CACNA2D4: variants seen among roughly 807,000 people sequenced by gnomAD.
CACNA2D4 encodes the protein calcium voltage-gated channel auxiliary subunit alpha2delta 4.
CACNA2D4 carries 157 observed loss-of-function variants against 163.8 expected under a neutral mutation model. The ratio of observed to expected loss-of-function variants is 0.96; its 90% CI spans 0.84 to 1.09. The LOEUF (loss-of-function observed/expected upper bound fraction) is 1.09, where lower values mean the gene tolerates loss of function less well. Ranked by LOEUF, CACNA2D4 falls within the 50% of genes least tolerant of loss-of-function variation. The pLI is 0.00. For missense variants in CACNA2D4, 1,410 were observed against 1,479.9 expected (o/e 0.95, Z 0.78); for synonymous variants, 598 against 586.9 (o/e 1.02, Z -0.27).
intron 6 of CACNA2D4, among the ~76,000 whole-genome samples, chr12:1,906,431 T>A (rs957975644): frequency 6.6e-6 from 1 of 152,168 alleles, no homozygotes; most frequent in Non-Finnish European, 1.5e-5. Context: ...TGATAAGGGA[T>A]CAATATTCAG....
chr12:1,819,278 G>A (rs989045982), intron 26 of CACNA2D4, among the ~76,000 whole-genome samples: 4 of 152,174 alleles, frequency 2.6e-5, no homozygotes, highest in African/African-American at 9.7e-5. Flanking sequence ...GCTTGACAGT[G>A]GGATGTGTGG....
intron 18 of CACNA2D4, among the ~76,000 whole-genome samples, chr12:1,870,449 G>A (rs1393569337): frequency 1.3e-5 from 2 of 151,588 alleles, no homozygotes; most frequent in Non-Finnish European, 2.9e-5. Flanking sequence ...GACACTTCAC[G>A]GTGACAACCT....
chr12:1,907,157 C>T (rs1339248926), intron 6 of CACNA2D4, among the ~76,000 whole-genome samples: 1 of 152,220 alleles, frequency 6.6e-6, no homozygotes, highest in African/African-American at 2.4e-5. Flanking sequence ...TTTGTATCTT[C>T]CAAAGTACTT....
At chr12:1,850,818 G>A (rs1241835065) in intron 23 of CACNA2D4, among the ~76,000 whole-genome samples, 1 of 151,426 alleles carries the variant, frequency 6.6e-6, no homozygotes, top group Admixed American at 6.6e-5. Context: ...GGAGGCTGAG[G>A]CAGGAGAATG....
chr12:1,904,171 C>A (rs1402022973), intron 6 of CACNA2D4, among the ~76,000 whole-genome samples: 1 of 151,868 alleles, frequency 6.6e-6, no homozygotes, highest in Admixed American at 6.6e-5. Context: ...AAAATTAAAA[C>A]AACTGAACCC....
chr12:1,862,479 G>A (rs1354888978), intron 18 of CACNA2D4, among the ~76,000 whole-genome samples: 8 of 152,066 alleles, frequency 5.3e-5, no homozygotes, highest in Admixed American at 5.2e-4. Context: ...TCTGTCGCCA[G>A]GCTGTCTCAC....
In CACNA2D4 at chr12:1,800,367, C is replaced by G. The variant is rs769195878; in HGVS notation, c.2921+19G>C. 3.1e-6 allele frequency: 5 copies of G among 1,613,544 alleles called. No homozygotes were observed. In the East Asian group the frequency reaches 1.1e-4, roughly 36 times the overall value. On this transcript the variant is annotated intron_variant, in intron 32 of 37. Transcript: ENST00000382722. ...CTCGCATGCAGCCCTCCACCAGCCC[C>G]GTGTCTACCCCCACTCACAGCACCA... is the stretch of plus-strand genomic sequence containing the variant.
Position 1,798,596 on chromosome 12 carries a change from G to C in CACNA2D4, c.2996-1061C>G, listed in dbSNP as rs986041846. On this transcript the variant is annotated intron_variant, in intron 34 of 37. Coordinates refer to ENST00000382722, the MANE Select transcript of CACNA2D4 (RefSeq NM_172364.5). This position sits in a 1 kb window ranked among gnomAD's most constrained non-coding sequence, Gnocchi z 4.3. ...GGTTGAGTGGCGTCCCCAGGGTCACGCAGTGGAAGGGGCTGCAGCACCTAC... is the reference window on the plus strand; with the variant it reads ...GGTTGAGTGGCGTCCCCAGGGTCACCCAGTGGAAGGGGCTGCAGCACCTAC... 4.6e-5 allele frequency among the ~76,000 whole-genome samples: 7 copies of C among 152,116 alleles called. No individual in the cohort carries two copies. Among genetic ancestry groups the C allele is most frequent in the African/African-American group, 1.7e-4 (7 of 41,432 alleles).
At chr12:1,821,520 G>T (rs1864100120) in intron 26 of CACNA2D4, among the ~76,000 whole-genome samples, 1 of 152,190 alleles carries the variant, frequency 6.6e-6, no homozygotes, top group Non-Finnish European at 1.5e-5. Context: ...GGAGAACCAG[G>T]CCCGCGAGAA....
intron 23 of CACNA2D4, among the ~76,000 whole-genome samples, chr12:1,853,666 A>G (rs1865337524): frequency 6.6e-6 from 1 of 152,236 alleles, no homozygotes; most frequent in Admixed American, 6.5e-5. Context: ...CATTGGTGCC[A>G]TGACCTTACC....
Position 1,798,572 on chromosome 12 carries a change from G to T in CACNA2D4, c.2996-1037C>A, listed in dbSNP as rs143132227. ...CAGAAGCCTGCCTGACAATGGCAGG[G>T]TTGAGTGGCGTCCCCAGGGTCACGC... On this transcript the variant is annotated intron_variant, in intron 34 of 37. Transcript: ENST00000382722. This position sits in a 1 kb window ranked among gnomAD's most constrained non-coding sequence, Gnocchi z 4.3. Among the ~76,000 whole-genome samples the T allele has an allele frequency of 3.5e-3, 529 of 152,198 alleles. 3 individuals carry two copies. Among genetic ancestry groups the T allele is most frequent in the African/African-American group, 0.012 (500 of 41,506 alleles).
rs59151112 is a variant in CACNA2D4 at position 1,907,384 on chromosome 12, A to ATTGTC, written c.781+55_781+56insGACAA. The ATTGTC allele has an allele frequency of 0.9, 1,398,082 of 1,560,586 alleles. 627,107 individuals are homozygous for ATTGTC. Among genetic ancestry groups the ATTGTC allele is most frequent in the East Asian group, 1 (44,243 of 44,260 alleles). On this transcript the variant is annotated intron_variant, in intron 6 of 37. Coordinates refer to ENST00000382722, the MANE Select transcript of CACNA2D4 (RefSeq NM_172364.5). ...GCCAGGGTCCATCTTCAGTGCCCCT[A>ATTGTC]TTATTTCCAGAGAAGAATCCCAGAA... is the stretch of plus-strand genomic sequence containing the variant.
Position 1,799,963 on chromosome 12 carries a change from C to T in CACNA2D4, c.2974+37G>A, listed in dbSNP as rs1404130988. Reference sequence around the variant, plus strand: ...ACGTTAGTGGACCAAAATGCCACTGCTCTTCAGCACATGGCCCTGCAGCTC... The same window carrying T: ...ACGTTAGTGGACCAAAATGCCACTGTTCTTCAGCACATGGCCCTGCAGCTC... On this transcript the variant is annotated intron_variant, in intron 33 of 37. Transcript: ENST00000382722. This position sits in a 1 kb window ranked among gnomAD's most constrained non-coding sequence, Gnocchi z 4.7. The T allele has an allele frequency of 6.3e-7, 1 of 1,585,568 alleles. No individual in the cohort carries two copies.
rs34114272 is a variant in CACNA2D4, at chr12:1,800,589, A to ACC, written c.2869-153_2869-152dup. ...GCAGAGCACAGGCCAGCAGCCCAGCACCCCCCATCCCCCCACCTCCCACCT... is the reference window on the plus strand; with the variant it reads ...GCAGAGCACAGGCCAGCAGCCCAGCACCCCCCCCATCCCCCCACCTCCCACCT... On this transcript the variant is annotated intron_variant, in intron 31 of 37. Transcript: ENST00000382722. The ACC allele has an allele frequency of 2.0e-5, 14 of 711,812 alleles. No individual in the cohort carries two copies. The South Asian group carries it at 2.2e-4, about 11-fold the overall frequency. The allele number at this position is 711,812 out of a possible 1,614,324, so 44.1% of individuals were successfully genotyped here.
At chr12:1,867,194 G>T (rs145637649) in intron 18 of CACNA2D4, among the ~76,000 whole-genome samples, 1 of 152,148 alleles carries the variant, frequency 6.6e-6, no homozygotes, top group East Asian at 1.9e-4. Flanking sequence ...TTTTTATCCT[G>T]CTTGGGGTTT....
At chr12:1,912,042 C>G (rs2154452563) in intron 3 of CACNA2D4, among the ~76,000 whole-genome samples, 1 of 152,298 alleles carries the variant, frequency 6.6e-6, no homozygotes, top group Middle Eastern at 3.4e-3. Flanking sequence ...AAAGAAGGCC[C>G]CAGCAACCCT....
chr12:1,878,968 C>A lies in CACNA2D4; in HGVS notation c.1632G>T (p.Ala544=). 3 of 1,613,654 alleles carry A rather than the reference C, an allele frequency of 1.9e-6. No homozygotes were observed. Among genetic ancestry groups the A allele is most frequent in the Non-Finnish European group, 2.5e-6 (3 of 1,179,676 alleles). ...DVALRELMKL[A]PRYKLGVHGY... ...GACCCAGGCTCACCTTGTACCGGGG[C>A]GCCAGCTTCATCAGCTCTCTCAGGG... Residue 544 remains alanine (A), a synonymous_variant, in exon 15 of 38, where the codon GCG becomes GCT. Coordinates refer to ENST00000382722, the MANE Select transcript of CACNA2D4 (RefSeq NM_172364.5). The surrounding 1 kb of genome is among the most constrained non-coding windows in gnomAD (Gnocchi z 4.6).
chr12:1,855,047 A>G (rs560884170), intron 22 of CACNA2D4, among the ~76,000 whole-genome samples: 1 of 152,286 alleles, frequency 6.6e-6, no homozygotes, highest in South Asian at 2.1e-4. Flanking sequence ...GTGGCTTAAC[A>G]GGATCTCCTT....
Position 1,828,298 on chromosome 12 carries a change from T to G in CACNA2D4, c.2551+12441A>C. 2.5e-6 allele frequency: 3 copies of G among 1,210,782 alleles called. No individual in the cohort carries two copies. The highest frequency in any genetic ancestry group is 2.3e-6 in the Non-Finnish European group (2 of 879,316). The allele number at this position is 1,210,782 out of a possible 1,614,324, so 75.0% of individuals were successfully genotyped here. The stretch of plus-strand genomic sequence containing the variant: ...CTGTAGGTAGCGCCATATGGGACCT[T>G]AGCCACACTCAGGCTGCAGGGAGGC... On this transcript the variant is annotated intron_variant, in intron 26 of 37. Coordinates refer to ENST00000382722, the MANE Select transcript of CACNA2D4 (RefSeq NM_172364.5). The surrounding 1 kb of genome is among the most constrained non-coding windows in gnomAD (Gnocchi z 4.2).
Sources: gnomAD v4.1 joint callset for allele counts (sites outside exome capture counted in the v4.1 genomes callset) on GRCh38, gnomAD v4.1.1 for gene constraint, Gnocchi (gnomAD v3.1) non-coding constraint, MANE v1.5 for transcripts, NCBI Gene and HGNC (gene_info 2026-07-23, HGNC 2026-07-21) for gene names.